The following SPATA31F3 variants were observed in gnomAD, a reference collection of about 807,000 sequenced individuals.
The protein encoded by SPATA31F3 is SPATA31 subfamily F member 3.
chr9:34,894,362 C>T, the SPATA31F3 span: 4 of 398,092 alleles, frequency 1.0e-5, no homozygotes, highest in Non-Finnish European at 1.8e-5. Flanking sequence ...TCCCTCTTCT[C>T]ATCTCTACCC....
chr9:34,895,633 T>A, the SPATA31F3 span: 1 of 400,564 alleles, frequency 2.5e-6, no homozygotes, highest in Non-Finnish European at 4.4e-6. Flanking sequence ...TCTTTTTCAC[T>A]TGCCAAATAA....
the SPATA31F3 span, chr9:34,892,519 T>C: frequency 4.9e-6 from 2 of 409,564 alleles, no homozygotes; most frequent in African/African-American, 2.0e-5. Flanking sequence ...ATATCCCACT[T>C]GTACTTGAAG....
At chr9:34,889,868 G>T in the SPATA31F3 span, among the ~76,000 whole-genome samples, 2 of 152,148 alleles carry the variant, frequency 1.3e-5, no homozygotes, top group South Asian at 4.1e-4. Context: ...GGCCCTTTAA[G>T]CTCTGGGCAC....
chr9:34,889,709 GCCCTGCAAATTTTGA>G, the SPATA31F3 span: 6 of 397,860 alleles, frequency 1.5e-5, no homozygotes, highest in Middle Eastern at 6.3e-4. Flanking sequence ...AGAAAGTGTG[GCCCTGCAAATTTTGA>G]CCCTGCAAAT....
the SPATA31F3 span, chr9:34,889,391 C>A: frequency 2.5e-6 from 1 of 398,516 alleles, no homozygotes; most frequent in Non-Finnish European, 4.4e-6. Flanking sequence ...CACAGAAGAT[C>A]AGGCCTTCCT....
At chr9:34,889,166 A>G in the SPATA31F3 span, 1 of 398,638 alleles carries the variant, frequency 2.5e-6, no homozygotes, top group Admixed American at 4.4e-5. Context: ...GCAGAGGTTC[A>G]GGAACCTATG....
chr9:34,894,623 C>A, the SPATA31F3 span: 2 of 397,198 alleles, frequency 5.0e-6, no homozygotes, highest in South Asian at 1.4e-4. Context: ...AACACTAAGT[C>A]ACATCTGTGT....
At chr9:34,889,849 C>T in the SPATA31F3 span, among the ~76,000 whole-genome samples, 1 of 152,310 alleles carries the variant, frequency 6.6e-6, no homozygotes, top group East Asian at 1.9e-4. Context: ...AGTAATGGCC[C>T]AGTAAGTTGG....
the SPATA31F3 span, chr9:34,892,799 A>C: frequency 1.3e-5 from 8 of 621,710 alleles, no homozygotes; most frequent in African/African-American, 1.5e-4. Flanking sequence ...TCCTCGCTGA[A>C]AGTGATCAGC....
the SPATA31F3 span, chr9:34,893,038 G>T: frequency 1.1e-6 from 1 of 944,958 alleles, no homozygotes; most frequent in Non-Finnish European, 1.6e-6. Context: ...AGATCTGGTT[G>T]TTCTCACCTG....
At chr9:34,889,447 G>C in the SPATA31F3 span, 11,398 of 398,560 alleles carry the variant, frequency 0.029, 869 homozygotes, top group African/African-American at 0.19. Flanking sequence ...GTTGTCTTCT[G>C]TGTTGTAGCT....
chr9:34,894,189 AT>A, the SPATA31F3 span, among the ~76,000 whole-genome samples: 3 of 152,122 alleles, frequency 2.0e-5, no homozygotes, highest in African/African-American at 7.2e-5. Flanking sequence ...TTTATGAATT[AT>A]ACACTAGTAC....
the SPATA31F3 span, chr9:34,894,593 A>G: frequency 1.0e-5 from 4 of 398,050 alleles, no homozygotes; most frequent in African/African-American, 6.2e-5. Flanking sequence ...ATGAGAAGAT[A>G]CTGAAAACCC....
the SPATA31F3 span, chr9:34,894,920 G>T: frequency 2.5e-6 from 1 of 397,206 alleles, no homozygotes; most frequent in African/African-American, 2.1e-5. Flanking sequence ...TCCCTGGGGG[G>T]TACTAGAGTC....
the SPATA31F3 span, among the ~76,000 whole-genome samples, chr9:34,892,491 G>A: frequency 1.3e-5 from 2 of 152,330 alleles, no homozygotes; most frequent in African/African-American, 4.8e-5. Flanking sequence ...GCCCTCAGTT[G>A]TGGGAATATG....
the SPATA31F3 span, among the ~76,000 whole-genome samples, chr9:34,889,840 G>T: frequency 6.6e-6 from 1 of 152,196 alleles, no homozygotes; most frequent in Non-Finnish European, 1.5e-5. Flanking sequence ...GGCCCAGCAA[G>T]TAATGGCCCA....
chr9:34,893,601 CAAAAAAA>C, the SPATA31F3 span, among the ~76,000 whole-genome samples: 5 of 128,618 alleles, frequency 3.9e-5, no homozygotes, highest in Non-Finnish European at 6.7e-5. Context: ...AACTCTGTCT[CAAAAAAA>C]AAAAAGAAAA....
the SPATA31F3 span, among the ~76,000 whole-genome samples, chr9:34,891,514 C>T: frequency 6.6e-6 from 1 of 152,172 alleles, no homozygotes; most frequent in Non-Finnish European, 1.5e-5. Context: ...CTGGGAAGAC[C>T]CACATAGGTC....
the SPATA31F3 span, chr9:34,889,749 C>T: frequency 2.5e-6 from 1 of 397,304 alleles, no homozygotes; most frequent in Non-Finnish European, 4.4e-6. Flanking sequence ...CCCTGTAAAA[C>T]ATGGCCCTGA....
Sources: gnomAD v4.1 joint callset for allele counts (sites outside exome capture counted in the v4.1 genomes callset) on GRCh38, gnomAD v4.1.1 for gene constraint, MANE v1.5 for transcripts, NCBI Gene and HGNC (gene_info 2026-07-23, HGNC 2026-07-21) for gene names.